The following PCDHA6 variants were observed in gnomAD, a reference collection of about 807,000 sequenced individuals.
The protein encoded by PCDHA6 is protocadherin alpha-6.
A neutral mutation model predicts 60.3 loss-of-function variants in PCDHA6; 55 were observed. The observed-to-expected ratio is 0.91, with a 90% CI of 0.73 to 1.14. The LOEUF (loss-of-function observed/expected upper bound fraction) is 1.14. PCDHA6 is among the 50% of genes most tolerant of loss of function. PCDHA6 has a pLI of 0.00. For synonymous variants in PCDHA6, 652 were observed against 557.9 expected (o/e 1.17, Z -2.38); for missense variants, 1,327 against 1,256.5 (o/e 1.06, Z -0.85).
rs199785183 is a variant in PCDHA6 at position 140,850,432 on chromosome 5, G to T, written c.2394+19947G>T. On this transcript the variant is annotated intron_variant, in intron 1 of 3. Transcript: ENST00000529310. ...GACGAAACGGACGCACCGCGCCAGC[G>T]CCTACTGGTGCTGGTGAAAGACCAC... 1.6e-4 allele frequency: 251 copies of T among 1,597,712 alleles called. 21 individuals carry two copies. The highest frequency in any genetic ancestry group is 3.2e-4 in the Admixed American group (19 of 59,266).
intron 1 of PCDHA6, chr5:140,835,759 A>T: frequency 6.2e-7 from 1 of 1,613,356 alleles, no homozygotes; most frequent in South Asian, 1.1e-5. Context: ...GCGCAGCCCG[A>T]GTATACGGTG....
In PCDHA6 at chr5:140,829,595, C is replaced by T. The variant is rs147522996; in HGVS notation, c.1504C>T (p.Arg502Cys). ...YSLVERRVGE[R>C]ALSSYISVHA... ...GCTGGTGGAGCGGCGGGTGGGCGAG[C>T]GCGCGTTGTCGAGCTACATTTCGGT... Residue 502 changes from arginine to cysteine, a missense_variant, in exon 1 of 4, where the codon CGC becomes TGC. Coordinates refer to ENST00000529310, the MANE Select transcript of PCDHA6 (RefSeq NM_018909.4). The T allele has an allele frequency of 1.5e-4, 239 of 1,611,886 alleles. 1 individual carries two copies. In the African/African-American group the frequency reaches 2.9e-3, roughly 20 times the overall value.
rs2150264358 is a variant in PCDHA6 at position 140,836,572 on chromosome 5, G to A, written c.2394+6087G>A. On this transcript the variant is annotated intron_variant, in intron 1 of 3. Transcript: ENST00000529310. ...CGGTGCTCAGCGCCGTCCTCTGAGG[G>A]CGCATGTAGTTTGGTAAAGCCCACT... is the stretch of plus-strand genomic sequence containing the variant. The A allele has an allele frequency of 1.9e-6, 3 of 1,613,740 alleles. No homozygotes were observed. The highest frequency in any genetic ancestry group is 4.5e-5 in the East Asian group (2 of 44,838).
At chr5:140,836,232 G>A in intron 1 of PCDHA6, 5 of 1,613,788 alleles carry the variant, frequency 3.1e-6, no homozygotes, top group East Asian at 2.2e-5. Context: ...GGTGGCGGCC[G>A]GTGCGAGCAT....
At chr5:140,850,454 C>T (rs2150484793) in intron 1 of PCDHA6, 2 of 1,597,838 alleles carry the variant, frequency 1.3e-6, no homozygotes, top group Admixed American at 1.7e-5. Context: ...TGGTGAAAGA[C>T]CACGGGGAGC....
chr5:140,857,144 A>G, intron 1 of PCDHA6: 1 of 1,598,350 alleles, frequency 6.3e-7, no homozygotes, highest in Non-Finnish European at 8.6e-7. Context: ...TCAAGTGGGC[A>G]CCGTCATTGC....
chr5:140,928,308 C>A, intron 1 of PCDHA6: 1 of 1,614,126 alleles, frequency 6.2e-7, no homozygotes, highest in Non-Finnish European at 8.5e-7. Flanking sequence ...CCCAGGACCC[C>A]GACCTGGGGA....
intron 3 of PCDHA6, among the ~76,000 whole-genome samples, chr5:141,006,916 A>G (rs111263219): frequency 0.011 from 1,648 of 152,304 alleles, 31 homozygotes; most frequent in African/African-American, 0.038. Context: ...TGGGATGCCC[A>G]TGAGATTTCC....
intron 1 of PCDHA6, chr5:140,830,788 T>G (rs1554133014): frequency 1.2e-5 from 2 of 161,880 alleles, no homozygotes; most frequent in African/African-American, 4.8e-5. Context: ...TTTTTCTGAT[T>G]AATTATATGG....
At chr5:140,867,350 T>C (rs1357404505) in intron 1 of PCDHA6, 1 of 152,128 alleles carries the variant, frequency 6.6e-6, no homozygotes, top group African/African-American at 2.4e-5. Flanking sequence ...GCTACTATGA[T>C]TGATTATTTT....
chr5:140,966,699 C>A, intron 1 of PCDHA6: 1 of 1,361,588 alleles, frequency 7.3e-7, no homozygotes, highest in Non-Finnish European at 9.4e-7. Context: ...GGGGCCCGGG[C>A]GTGGGGCACG....
chr5:140,853,857 A>T, intron 1 of PCDHA6: 3 of 985,610 alleles, frequency 3.0e-6, no homozygotes, highest in Non-Finnish European at 3.7e-6. Flanking sequence ...GCCCTATTTG[A>T]TACTTGACAG....
intron 1 of PCDHA6, chr5:140,855,790 T>G: frequency 2.3e-6 from 1 of 441,252 alleles, no homozygotes; most frequent in East Asian, 3.4e-5. Context: ...AAAAAAGAAT[T>G]AACATATGAA....
At chr5:140,967,727 G>C in intron 1 of PCDHA6, 2 of 1,614,148 alleles carry the variant, frequency 1.2e-6, no homozygotes, top group Non-Finnish European at 1.7e-6. Flanking sequence ...GCGAGTAATT[G>C]GGGGGCTGGA....
At chr5:140,973,959 G>A (rs782474164) in intron 1 of PCDHA6, among the ~76,000 whole-genome samples, 2 of 152,198 alleles carry the variant, frequency 1.3e-5, no homozygotes, top group Admixed American at 6.5e-5. Flanking sequence ...TTTTACAGGT[G>A]TCTTTAAATG....
chr5:141,009,269 A>G (rs2098404104), intron 3 of PCDHA6, among the ~76,000 whole-genome samples: 1 of 152,140 alleles, frequency 6.6e-6, no homozygotes, highest in Non-Finnish European at 1.5e-5. Flanking sequence ...AGCCTGGGCA[A>G]CATAGTGAGA....
intron 1 of PCDHA6, chr5:140,850,885 G>C: frequency 1.3e-6 from 2 of 1,582,746 alleles, no homozygotes; most frequent in South Asian, 1.1e-5. Flanking sequence ...GATTCAACTG[G>C]GAAGGTGGGT....
chr5:140,961,336 G>C (rs2095605046), intron 1 of PCDHA6, among the ~76,000 whole-genome samples: 1 of 152,178 alleles, frequency 6.6e-6, no homozygotes, highest in African/African-American at 2.4e-5. Context: ...GAGAGACCAA[G>C]AGTGGATCCC....
chr5:140,884,355 T>C, intron 1 of PCDHA6: 1 of 1,613,922 alleles, frequency 6.2e-7, no homozygotes, highest in Admixed American at 1.7e-5. Context: ...CTGGTGGATG[T>C]CAATGTTTAC....
Sources: allele counts gnomAD v4.1 joint callset (sites outside exome capture counted in the v4.1 genomes callset), GRCh38; gene constraint gnomAD v4.1.1; transcripts MANE v1.5; gene names NCBI Gene and HGNC (gene_info 2026-07-23, HGNC 2026-07-21).